NR2E1: variants seen among roughly 807,000 people sequenced by gnomAD.
NR2E1 encodes nuclear receptor subfamily 2 group E member 1.
NR2E1 carries 5 observed loss-of-function variants against 43.6 expected under a neutral mutation model. That is an observed-to-expected ratio of 0.11 (90% CI 0.06 to 0.24). The LOEUF is 0.24. Ranked by LOEUF, NR2E1 falls within the 10% of genes least tolerant of loss-of-function variation. The pLI is 1.00. For synonymous variants in NR2E1, 191 were observed against 195.5 expected, an observed-to-expected ratio of 0.98 and a Z score of 0.19; for missense variants, 287 against 496.7, an observed-to-expected ratio of 0.58 and a Z score of 4.01.
intron 8 of NR2E1, among the ~76,000 whole-genome samples, chr6:108,184,073 TC>T (rs566962340): frequency 3.9e-5 from 6 of 152,062 alleles, no homozygotes; most frequent in South Asian, 4.1e-4. Context: ...GCACCTGTAG[TC>T]CCAGCTACTC....
intron 1 of NR2E1, among the ~76,000 whole-genome samples, 154 bp from the exon 2 acceptor site, chr6:108,171,304 C>T (rs1004692515): frequency 6.6e-6 from 1 of 152,156 alleles, no homozygotes; most frequent in African/African-American, 2.4e-5. Context: ...TATAAAATCA[C>T]TTCATTATTT....
Position 108,176,551 on chromosome 6 carries a change from T to G in NR2E1, c.308T>G (p.Val103Gly), listed in dbSNP as rs1482107639. ...GPRTSTIRKQ[V>G]ALYFRGHKEE... Reference sequence around the variant, plus strand: ...CGGACGTCCACCATCCGCAAGCAAGTGGCCCTCTACTTCCGTGGACACAAG... The same window carrying G: ...CGGACGTCCACCATCCGCAAGCAAGGGGCCCTCTACTTCCGTGGACACAAG... Residue 103 changes from valine (V) to glycine (G), a missense_variant, in exon 4 of 9, where the codon GTG (valine) becomes GGG (glycine). Physicochemically the swap from Val to Gly is moderately radical, Grantham distance 109. Coordinates refer to ENST00000368986, the MANE Select transcript of NR2E1 (RefSeq NM_003269.5). 1 of 1,613,212 alleles carries G rather than the reference T, an allele frequency of 6.2e-7. No individual in the cohort carries two copies. The highest frequency in any genetic ancestry group is 2.2e-5 in the East Asian group (1 of 44,878).
In NR2E1 at chr6:108,187,603, A is replaced by G. The variant is rs1036070617; in HGVS notation, c.*140A>G. 3 of 945,334 alleles carry G rather than the reference A, an allele frequency of 3.2e-6. No homozygotes were observed. Among genetic ancestry groups the G allele is most frequent in the Non-Finnish European group, 1.7e-6 (1 of 597,466 alleles). 58.6% of individuals were successfully genotyped at this position (945,334 alleles called of 1,614,324 possible). A position where few individuals can be genotyped will look rare whatever the true frequency, so the allele number is the denominator to read the frequency against. On this transcript the variant is annotated 3_prime_UTR_variant, in exon 9 of 9. Coordinates refer to ENST00000368986, the MANE Select transcript of NR2E1 (RefSeq NM_003269.5). ...CTTCAGGAAAAAAATGCCAATTGAC[A>G]CAAAGCATTCCAGTAGCTATGACCT...
chr6:108,183,530 C>G (rs900927368), intron 8 of NR2E1, among the ~76,000 whole-genome samples: 1 of 152,106 alleles, frequency 6.6e-6, no homozygotes, highest in Admixed American at 6.5e-5. Context: ...TCCATAATCT[C>G]AACATCAGCT....
intron 1 of NR2E1, among the ~76,000 whole-genome samples, chr6:108,168,371 CG>C (rs1358844960): frequency 6.6e-6 from 1 of 152,200 alleles, no homozygotes; most frequent in African/African-American, 2.4e-5. Flanking sequence ...TCGTCCTTTT[CG>C]GGGTGTGGAG....
Position 108,169,158 on chromosome 6 carries a change from G to T in NR2E1, c.26-2300G>T, listed in dbSNP as rs1210607025. Among the ~76,000 whole-genome samples the T allele has an allele frequency of 3.9e-5, 6 of 152,190 alleles. No homozygotes were observed. The highest frequency in any genetic ancestry group is 7.4e-5 in the Non-Finnish European group (5 of 68,022). ...ACGTGGCTGGGTGGCGGAGTCTGAG[G>T]CACAGGCCCGCTATGCCCCGGAATT... On this transcript the variant is annotated intron_variant, in intron 1 of 8. Transcript: ENST00000368986. The surrounding 1 kb of genome is among the most constrained non-coding windows in gnomAD (Gnocchi z 6.1).
intron 7 of NR2E1, among the ~76,000 whole-genome samples, 194 bp downstream of exon 7, chr6:108,181,150 G>A (rs1008144523): frequency 1.3e-5 from 2 of 151,952 alleles, no homozygotes; most frequent in Non-Finnish European, 2.9e-5. Flanking sequence ...TTCCAGAGAG[G>A]TGCATTCCCA....
At chr6:108,181,705 T>C in intron 8 of NR2E1, 54 bp downstream of exon 8, 2 of 1,338,038 alleles carry the variant, frequency 1.5e-6, no homozygotes, top group Non-Finnish European at 2.2e-6. Flanking sequence ...CCATTGTGAA[T>C]GCCTGAGCAG....
At chr6:108,171,338 A>C in intron 1 of NR2E1, 120 bp from the exon 2 acceptor site, 1 of 1,113,886 alleles carries the variant, frequency 9.0e-7, no homozygotes, top group Non-Finnish European at 1.4e-6. Context: ...CTTCGGTGCT[A>C]ATCCCTTCAG....
At chr6:108,167,067 C>A (rs951812506) in intron 1 of NR2E1, among the ~76,000 whole-genome samples, 5 of 152,066 alleles carry the variant, frequency 3.3e-5, no homozygotes, top group African/African-American at 1.2e-4. Flanking sequence ...TGAGTTGTCT[C>A]CATTTAGCCG....
chr6:108,178,398 T>C (rs750523171), intron 5 of NR2E1, among the ~76,000 whole-genome samples, 157 bp downstream of exon 5: 25 of 152,252 alleles, frequency 1.6e-4, no homozygotes, highest in Admixed American at 1.5e-3. Flanking sequence ...TGCTTCTTCC[T>C]GTGGGTTCAA....
intron 1 of NR2E1, chr6:108,168,303 GC>G: frequency 2.0e-5 from 16 of 795,532 alleles, no homozygotes; most frequent in South Asian, 1.1e-4. Flanking sequence ...CTCCTAGCTC[GC>G]TCGCCCCGGG....
chr6:108,174,701 AGGCCC>A (rs2114674624), intron 2 of NR2E1, 130 bp from the exon 3 acceptor site: 1 of 702,490 alleles, frequency 1.4e-6, no homozygotes, highest in East Asian at 2.7e-5. Flanking sequence ...CGCGTTTTGC[AGGCCC>A]AGGCTCGGGG....
At chr6:108,182,054 A>G (rs1476242746) in intron 8 of NR2E1, among the ~76,000 whole-genome samples, 1 of 152,012 alleles carries the variant, frequency 6.6e-6, no homozygotes, top group Non-Finnish European at 1.5e-5. Context: ...TGGCTAACAC[A>G]GTGAAACCCC....
In NR2E1 at chr6:108,187,869, T is replaced by C. The variant is rs1370260315; in HGVS notation, c.*406T>C. ...ACCAAATATAGCTCTGTGTATAACA[T>C]CGTACTGCGGCCTTCAAAACTACGT... On this transcript the variant is annotated 3_prime_UTR_variant, in exon 9 of 9. Transcript: ENST00000368986. 4.0e-6 allele frequency: 1 copy of C among 247,900 alleles called. No homozygotes were observed. The highest frequency in any genetic ancestry group is 8.1e-6 in the Non-Finnish European group (1 of 124,004). The allele number at this position is 247,900 out of a possible 1,614,324, so 15.4% of individuals were successfully genotyped here.
Position 108,176,658 on chromosome 6 carries a change from C to A in NR2E1, c.415C>A (p.Pro139Thr), listed in dbSNP as rs772296714. The change falls in exon 4 of 9, where the codon CCG becomes ACG. Residue 139 changes from proline to threonine, a missense_variant. Physicochemically the swap from Pro to Thr is conservative, Grantham distance 38. This residue lies in a region of NR2E1 where 119 missense variants were observed against 155.7 expected (regional missense o/e 0.76). Coordinates refer to ENST00000368986, the MANE Select transcript of NR2E1 (RefSeq NM_003269.5). ...AFFTAVTQLE[P>T]HGLELAAVST... ...CTTCACCGCGGTCACGCAGCTGGAG[C>A]CGCACGGCCTGGAGCTGGCCGCGGT... 1 of 1,606,296 alleles carries A rather than the reference C, an allele frequency of 6.2e-7. No individual in the cohort carries two copies. The highest frequency in any genetic ancestry group is 8.5e-7 in the Non-Finnish European group (1 of 1,178,440).
intron 8 of NR2E1, among the ~76,000 whole-genome samples, chr6:108,183,035 G>A (rs1298046868): frequency 6.6e-6 from 1 of 152,186 alleles, no homozygotes; most frequent in Admixed American, 6.5e-5. Context: ...CATAACTGTT[G>A]TTTGGCCTTG....
Position 108,187,421 on chromosome 6 carries a change from T to A in NR2E1, c.1116T>A (p.Ile372=). The A allele has an allele frequency of 6.2e-7, 1 of 1,614,228 alleles. No individual in the cohort carries two copies. The highest frequency in any genetic ancestry group is 8.5e-7 in the Non-Finnish European group (1 of 1,180,044). ...AAAAAACCATCGGCAATGTGCCAAT[T>A]ACAAGACTGCTTTCAGATATGTACA... The part of the protein sequence containing the change: ...FFKKTIGNVP[I]TRLLSDMYKS... The change falls in exon 9 of 9, where the codon ATT becomes ATA. Residue 372 remains isoleucine, a synonymous_variant. Transcript: ENST00000368986.
intron 8 of NR2E1, among the ~76,000 whole-genome samples, chr6:108,181,896 A>G (rs1481019482): frequency 6.6e-6 from 1 of 152,220 alleles, no homozygotes; most frequent in African/African-American, 2.4e-5. Flanking sequence ...AAATTGATCC[A>G]TCAAAATAAT....
Sources: gnomAD v4.1 joint callset for allele counts (sites outside exome capture counted in the v4.1 genomes callset) on GRCh38, gnomAD v4.1.1 for gene constraint, gnomAD v4.1.1 regional missense constraint, Gnocchi (gnomAD v3.1) non-coding constraint, MANE v1.5 for transcripts, NCBI Gene and HGNC (gene_info 2026-07-23, HGNC 2026-07-21) for gene names.